SQSTM1: variants seen among roughly 807,000 people sequenced by gnomAD.
SQSTM1 encodes sequestosome 1.
A neutral mutation model predicts 45.1 loss-of-function variants in SQSTM1; 36 were observed. That is an observed-to-expected ratio of 0.80 (90% CI 0.61 to 1.05). The LOEUF (loss-of-function observed/expected upper bound fraction) is 1.05. Among genes scored for constraint, SQSTM1 ranks in the 50% least tolerant of loss-of-function variants. The pLI is 0.00. For missense variants in SQSTM1, 617 were observed against 607.1 expected (o/e 1.02, Z -0.17); for synonymous variants, 290 against 244.3 (o/e 1.19, Z -1.74).
chr5:179,808,147 G>C (rs1272662785), intron 1 of SQSTM1: 1 of 152,322 alleles, frequency 6.6e-6, no homozygotes, highest in African/African-American at 2.4e-5. Flanking sequence ...CCGCCCGGGG[G>C]AGGCCCGAGG....
chr5:179,832,706 GGAGAAA>G (rs1441759935), intron 5 of SQSTM1, among the ~76,000 whole-genome samples: 1 of 152,192 alleles, frequency 6.6e-6, no homozygotes, highest in African/African-American at 2.4e-5. Flanking sequence ...TTACTGAATT[GGAGAAA>G]GAGAAAGGTC....
chr5:179,831,411 A>C (rs146857387), intron 5 of SQSTM1, among the ~76,000 whole-genome samples: 2,291 of 152,248 alleles, frequency 0.015, 49 homozygotes, highest in African/African-American at 0.048. Context: ...CCTGTAATCC[A>C]AGCACTTTGG....
intron 7 of SQSTM1, among the ~76,000 whole-genome samples, chr5:179,834,157 G>C (rs1173839543): frequency 6.7e-5 from 2 of 30,016 alleles, no homozygotes; most frequent in African/African-American, 3.8e-4. Flanking sequence ...TGGTCTGAGA[G>C]GGGGGGGGGT....
chr5:179,811,867 C>G (rs914428492), intron 2 of SQSTM1: 2 of 152,186 alleles, frequency 1.3e-5, no homozygotes, highest in Non-Finnish European at 1.5e-5. Context: ...TGCAGTGGCG[C>G]CATCTCGGCT....
Position 179,823,912 on chromosome 5 carries a change from G to A in SQSTM1, c.356G>A (p.Arg119His), listed in dbSNP as rs779807674. ...CCACCGTGTGCTCAGGAGGCGCCCCGCAACATGGTGCACCCCAATGTGATC... is the reference window on the plus strand; with the variant it reads ...CCACCGTGTGCTCAGGAGGCGCCCCACAACATGGTGCACCCCAATGTGATC... ...HRPPCAQEAP[R>H]NMVHPNVICD... The change falls in exon 3 of 8, where the codon CGC becomes CAC. Residue 119 changes from arginine (R) to histidine (H), a missense_variant. Transcript: ENST00000389805. 1.1e-5 allele frequency: 17 copies of A among 1,613,564 alleles called. No individual in the cohort carries two copies. Among genetic ancestry groups the A allele is most frequent in the East Asian group, 2.2e-5 (1 of 44,880 alleles).
chr5:179,837,072 G>C lies in SQSTM1; in HGVS notation c.*479G>C. ...GCCAGTGTTGTGGGCTTCCTGCTGGGACTGAGAAGGCTCACGAAGGGCATC... is the reference window on the plus strand; with the variant it reads ...GCCAGTGTTGTGGGCTTCCTGCTGGCACTGAGAAGGCTCACGAAGGGCATC... On this transcript the variant is annotated 3_prime_UTR_variant, in exon 8 of 8. Transcript: ENST00000389805. The C allele has an allele frequency of 1.3e-6, 1 of 758,978 alleles. No homozygotes were observed. Among genetic ancestry groups the C allele is most frequent in the Non-Finnish European group, 2.2e-6 (1 of 446,400 alleles). 47.0% of individuals were successfully genotyped at this position (758,978 alleles called of 1,614,324 possible). A position where few individuals can be genotyped will look rare whatever the true frequency, so the allele number is the denominator to read the frequency against.
At chr5:179,808,572 C>CT (rs1305139214) in intron 1 of SQSTM1, 1 of 152,184 alleles carries the variant, frequency 6.6e-6, no homozygotes, top group Non-Finnish European at 1.5e-5. Context: ...AATCCCAGCA[C>CT]TTTGTGAGGC....
chr5:179,810,115 T>A (rs1009450229), intron 1 of SQSTM1, among the ~76,000 whole-genome samples: 3 of 152,284 alleles, frequency 2.0e-5, no homozygotes, highest in African/African-American at 7.2e-5. Flanking sequence ...ATTTAAATTT[T>A]TATTTTTTAA....
At chr5:179,808,746 A>G (rs1757297527) in intron 1 of SQSTM1, among the ~76,000 whole-genome samples, 1 of 152,204 alleles carries the variant, frequency 6.6e-6, no homozygotes, top group Non-Finnish European at 1.5e-5. Context: ...TGAGCTCATC[A>G]GTTCAAGACC....
At chr5:179,829,393 TC>T (rs1419573272) in intron 5 of SQSTM1, among the ~76,000 whole-genome samples, 1 of 152,188 alleles carries the variant, frequency 6.6e-6, no homozygotes, top group African/African-American at 2.4e-5. Flanking sequence ...ACAGAAGGCT[TC>T]CTGTCAACCT....
At chr5:179,834,152 T>TGA (rs201628633) in intron 7 of SQSTM1, among the ~76,000 whole-genome samples, 1 of 64,282 alleles carries the variant, frequency 1.6e-5, no homozygotes, top group African/African-American at 9.2e-5. Context: ...AGTGCTGGTC[T>TGA]GAGAGGGGGG....
Position 179,820,936 on chromosome 5 carries a change from T to A in SQSTM1, c.-1T>A. ...CGTTTTCCGCCAGCTCGCCGCTCGC[T>A]ATGGCGTCGCTCACCGTGAAGGCCT... On this transcript the variant is annotated 5_prime_UTR_variant, in exon 1 of 8. Coordinates refer to ENST00000389805, the MANE Select transcript of SQSTM1 (RefSeq NM_003900.5). 6.5e-7 allele frequency: 1 copy of A among 1,548,034 alleles called. No individual in the cohort carries two copies. The highest frequency in any genetic ancestry group is 8.7e-7 in the Non-Finnish European group (1 of 1,152,372).
rs71001049 is a variant in SQSTM1, at chr5:179,809,325, A to ATTTTTTTTTT, written c.-156-2229_-156-2220dup. ...AGGCGCCCGCCACCACGCCTGGCTA[A>ATTTTTTTTTT]TTTTTTTTTTTTTTTTTTTTTTTTT... On this transcript the variant is annotated intron_variant, in intron 1 of 5. Coordinates refer to the SQSTM1 transcript ENST00000514093. Among the ~76,000 whole-genome samples the ATTTTTTTTTT allele has an allele frequency of 7.3e-5, 3 of 41,076 alleles. 1 individual carries two copies. Among genetic ancestry groups the ATTTTTTTTTT allele is most frequent in the African/African-American group, 3.4e-4 (3 of 8,830 alleles). The allele number at this position is 41,076 out of a possible 152,430, so 26.9% of individuals were successfully genotyped here.
At chr5:179,833,362 G>A in intron 6 of SQSTM1, 116 bp downstream of exon 6, 1 of 1,097,612 alleles carries the variant, frequency 9.1e-7, no homozygotes. Context: ...CGAGGGAGCT[G>A]CTGCTGCTGC....
chr5:179,824,783 G>A (rs970321764), intron 4 of SQSTM1, among the ~76,000 whole-genome samples: 1 of 152,190 alleles, frequency 6.6e-6, no homozygotes, highest in African/African-American at 2.4e-5. Context: ...ACTGTGTCCT[G>A]TGAATCACCT....
chr5:179,825,793 C>T (rs910969774), intron 5 of SQSTM1, among the ~76,000 whole-genome samples: 1 of 151,924 alleles, frequency 6.6e-6, no homozygotes, highest in Admixed American at 6.6e-5. Context: ...GCCACCTGAC[C>T]CCAGGCATGA....
chr5:179,832,125 T>A (rs930644985), intron 5 of SQSTM1, among the ~76,000 whole-genome samples: 8 of 151,864 alleles, frequency 5.3e-5, no homozygotes, highest in African/African-American at 1.9e-4. Context: ...TTGGAAAGGG[T>A]AGTGGAAGGA....
In SQSTM1 at chr5:179,833,797, A is replaced by T. The variant is rs764410841; in HGVS notation, c.1165+15A>T. ...TCTCCCGCCAGGCAAGTGAACCAAG[A>T]GGTTTTGTACATATTCCTACCTTTC... On this transcript the variant is annotated intron_variant, in intron 7 of 7. Coordinates refer to ENST00000389805, the MANE Select transcript of SQSTM1 (RefSeq NM_003900.5). 4.3e-6 allele frequency: 7 copies of T among 1,613,818 alleles called. No homozygotes were observed. The Admixed American group carries it at 1.2e-4, about 27-fold the overall frequency.
At chr5:179,811,413 G>C (rs1253714488) in intron 1 of SQSTM1, among the ~76,000 whole-genome samples, 1 of 120,412 alleles carries the variant, frequency 8.3e-6, no homozygotes, top group African/African-American at 3.1e-5. Context: ...GAGGAGCTAT[G>C]CAGGGGGGAG....
Sources: allele counts gnomAD v4.1 joint callset (sites outside exome capture counted in the v4.1 genomes callset), GRCh38; gene constraint gnomAD v4.1.1; transcripts MANE v1.5; gene names NCBI Gene and HGNC (gene_info 2026-07-23, HGNC 2026-07-21).